TACC2: variants seen among roughly 807,000 people sequenced by gnomAD.
The protein encoded by TACC2 is transforming acidic coiled-coil containing protein 2.
In TACC2, 137 loss-of-function variants were observed where a neutral mutation model predicts 227.3. The observed-to-expected ratio is 0.60, with a 90% CI of 0.52 to 0.69. The LOEUF is 0.69. TACC2 is among the 30% of genes least tolerant of loss of function. The probability of loss-of-function intolerance (pLI) is 0.00; values close to 1 mark genes in which losing one functional copy is unlikely to be tolerated. For synonymous variants in TACC2, 1,523 were observed against 1,487.5 expected, an observed-to-expected ratio of 1.02 and a Z score of -0.55; for missense variants, 3,470 against 3,694.4, an observed-to-expected ratio of 0.94 and a Z score of 1.57.
At chr10:122,156,477 G>A (rs1183896101) in intron 7 of TACC2, among the ~76,000 whole-genome samples, 1 of 152,090 alleles carries the variant, frequency 6.6e-6, no homozygotes, top group Non-Finnish European at 1.5e-5. Context: ...GCCCATCTTG[G>A]CCTCCCAAAG....
At chr10:122,026,047 A>G (rs578044079) in intron 2 of TACC2, among the ~76,000 whole-genome samples, 4 of 150,722 alleles carry the variant, frequency 2.7e-5, no homozygotes, top group Non-Finnish European at 4.4e-5. Flanking sequence ...GGCTGGGTGC[A>G]GTGGCTCACG....
rs2088646059 is a variant in TACC2, at chr10:122,132,864, A to G, written c.5699+130A>G. The stretch of plus-strand genomic sequence containing the variant: ...GCAGTTTCACCCCCTCTGCACACAC[A>G]CACAGGGTGTGCACACCTGTCCTGA... On this transcript the variant is annotated intron_variant, in intron 6 of 22. Transcript: ENST00000369005. 33 of 901,728 alleles carry G rather than the reference A, an allele frequency of 3.7e-5. No individual in the cohort carries two copies. In the South Asian group the frequency reaches 5.4e-4, roughly 15 times the overall value. The allele number at this position is 901,728 out of a possible 1,614,324, so 55.9% of individuals were successfully genotyped here.
In TACC2 at chr10:122,085,361, G is replaced by T; in HGVS notation, c.2861G>T (p.Gly954Val). The T allele has an allele frequency of 3.7e-6, 6 of 1,614,032 alleles. No individual in the cohort carries two copies. Among genetic ancestry groups the T allele is most frequent in the Non-Finnish European group, 5.1e-6 (6 of 1,180,046 alleles). Residue 954 changes from glycine (G) to valine (V), a missense_variant, in exon 4 of 23, where the codon GGT becomes GTT. Coordinates refer to ENST00000369005, the MANE Select transcript of TACC2 (RefSeq NM_206862.4). The part of the protein sequence containing the change: ...LGEKRPEGAC[G>V]DGQSSRVSPP... ...GAGAAGCGGCCAGAGGGAGCATGCGGTGATGGTCAGTCCTCGAGGGTCTCG... is the reference window on the plus strand; with the variant it reads ...GAGAAGCGGCCAGAGGGAGCATGCGTTGATGGTCAGTCCTCGAGGGTCTCG...
In TACC2 at chr10:122,216,782, C is replaced by T; in HGVS notation, c.7500C>T (p.Asp2500=). ...ADKQDYPQPS[D]LSTFVNETKF... The stretch of plus-strand genomic sequence containing the variant: ...AACAGGACTACCCGCAGCCCTCGGA[C>T]CTGTCCACCTTTGTAAACGAGACCA... The change falls in exon 11 of 23, where the codon GAC becomes GAT. Residue 2500 remains aspartate, a synonymous_variant. Coordinates refer to ENST00000369005, the MANE Select transcript of TACC2 (RefSeq NM_206862.4). 6.2e-7 allele frequency: 1 copy of T among 1,614,124 alleles called. No homozygotes were observed. Among genetic ancestry groups the T allele is most frequent in the Non-Finnish European group, 8.5e-7 (1 of 1,180,032 alleles).
At chr10:122,167,975 C>T (rs2093275029) in intron 7 of TACC2, among the ~76,000 whole-genome samples, 1 of 151,966 alleles carries the variant, frequency 6.6e-6, no homozygotes, top group South Asian at 2.1e-4. Context: ...CAGCCTCCAC[C>T]TTCCGGACTC....
At chr10:122,129,055 A>ATTT (rs201137844) in intron 5 of TACC2, among the ~76,000 whole-genome samples, 2 of 94,548 alleles carry the variant, frequency 2.1e-5, no homozygotes, top group African/African-American at 6.2e-5. Flanking sequence ...GATCTATCTT[A>ATTT]TTTTAATTAT....
chr10:122,217,505 C>G (rs549781936), intron 11 of TACC2, among the ~76,000 whole-genome samples: 106 of 122,014 alleles, frequency 8.7e-4, no homozygotes, highest in African/African-American at 3.3e-3. Flanking sequence ...GTAGTACGAT[C>G]TTGGCTCACT....
chr10:122,104,590 C>T (rs1482226868), intron 5 of TACC2, among the ~76,000 whole-genome samples: 6 of 152,108 alleles, frequency 3.9e-5, no homozygotes, highest in Non-Finnish European at 8.8e-5. Flanking sequence ...CAGCTGGGCT[C>T]GAACTCCTGA....
At chr10:122,166,447 G>A (rs144278429) in intron 7 of TACC2, among the ~76,000 whole-genome samples, 102 of 152,220 alleles carry the variant, frequency 6.7e-4, no homozygotes, top group Middle Eastern at 3.4e-3. Flanking sequence ...CTCCCCTTTT[G>A]AGAACTCAGG....
At chr10:122,069,116 A>G (rs989949112) in intron 3 of TACC2, among the ~76,000 whole-genome samples, 2 of 132,390 alleles carry the variant, frequency 1.5e-5, no homozygotes, top group Non-Finnish European at 3.3e-5. Flanking sequence ...CTCCCCAGAT[A>G]CACAGCTTCA....
chr10:122,016,948 G>A (rs566029719), intron 1 of TACC2, among the ~76,000 whole-genome samples: 93 of 152,280 alleles, frequency 6.1e-4, no homozygotes, highest in Middle Eastern at 3.4e-3. Flanking sequence ...ACATAGACGG[G>A]CAAAGAGGGA....
At chr10:122,229,220 T>G in intron 14 of TACC2, 126 bp from the exon 15 acceptor site, 1 of 1,042,102 alleles carries the variant, frequency 9.6e-7, no homozygotes, top group East Asian at 2.4e-5. Context: ...GGCAGCTAAT[T>G]GATACTCTCT....
At chr10:122,239,150 C>A (rs905328722) in intron 18 of TACC2, among the ~76,000 whole-genome samples, 1 of 151,996 alleles carries the variant, frequency 6.6e-6, no homozygotes, top group Admixed American at 6.6e-5. Flanking sequence ...ATTACAGGCA[C>A]CTGCCACCAT....
intron 1 of TACC2, among the ~76,000 whole-genome samples, chr10:122,005,401 GAC>G (rs1491195799): frequency 9.3e-6 from 1 of 107,850 alleles, no homozygotes; most frequent in Admixed American, 1.1e-4. Flanking sequence ...TTTTTTTTGA[GAC>G]AGAGTCTTGC....
intron 3 of TACC2, among the ~76,000 whole-genome samples, chr10:122,060,699 G>A (rs1479842523): frequency 1.3e-5 from 2 of 152,150 alleles, no homozygotes; most frequent in East Asian, 3.9e-4. Context: ...TGATAGACTG[G>A]CTTTAGAAGG....
intron 2 of TACC2, chr10:122,022,218 G>T: frequency 1.8e-6 from 1 of 541,844 alleles, no homozygotes; most frequent in Non-Finnish European, 3.3e-6. Context: ...TCTAGTTAAA[G>T]CCGGAAACGC....
In TACC2 at chr10:122,210,788, T is replaced by C. The variant is rs1268321360; in HGVS notation, c.6363T>C (p.Ser2121=). The part of the protein sequence containing the change: ...DAYSTGSSSA[S]STLKRTKKPR... ...ATAGCACGGGTTCCAGCAGTGCTTC[T>C]AGTACCCTTAAGCGAACTAAAAAAC... The change falls in exon 9 of 23, where the codon TCT becomes TCC. Residue 2121 remains serine, a synonymous_variant. Coordinates refer to ENST00000369005, the MANE Select transcript of TACC2 (RefSeq NM_206862.4). This position sits in a 1 kb window ranked among gnomAD's most constrained non-coding sequence, Gnocchi z 4.6. The C allele has an allele frequency of 1.2e-6, 2 of 1,613,654 alleles. No homozygotes were observed. Among genetic ancestry groups the C allele is most frequent in the East Asian group, 4.5e-5 (2 of 44,870 alleles).
At chr10:121,997,729 G>A (rs1031771786) in intron 1 of TACC2, among the ~76,000 whole-genome samples, 12 of 152,314 alleles carry the variant, frequency 7.9e-5, no homozygotes, top group Non-Finnish European at 8.8e-5. Flanking sequence ...CATGCTTAAC[G>A]GCCAGGGACA....
chr10:122,085,687 C>G lies in TACC2; in HGVS notation c.3187C>G (p.Leu1063Val). 1 of 1,613,736 alleles carries G rather than the reference C, an allele frequency of 6.2e-7. No individual in the cohort carries two copies. Residue 1063 changes from leucine to valine, a missense_variant, in exon 4 of 23, where the codon CTG becomes GTG. Around this residue, in one of 10 missense-constraint regions of TACC2, gnomAD observed 1,924 missense variants for 1,978.3 expected, o/e 0.97. Transcript: ENST00000369005. ...LLDAVPCLPA[L>V]APASPGVTPT... ...GGATGCAGTTCCCTGCCTGCCAGCCCTGGCGCCCGCCAGCCCCGGAGTCAC... is the reference window on the plus strand; with the variant it reads ...GGATGCAGTTCCCTGCCTGCCAGCCGTGGCGCCCGCCAGCCCCGGAGTCAC...
Sources: gnomAD v4.1 joint callset for allele counts (sites outside exome capture counted in the v4.1 genomes callset) on GRCh38, gnomAD v4.1.1 for gene constraint, gnomAD v4.1.1 regional missense constraint, Gnocchi (gnomAD v3.1) non-coding constraint, MANE v1.5 for transcripts, NCBI Gene and HGNC (gene_info 2026-07-23, HGNC 2026-07-21) for gene names.